KCNIP4: variants seen among roughly 807,000 people sequenced by gnomAD.
The protein encoded by KCNIP4 is potassium voltage-gated channel interacting protein 4.
A neutral mutation model predicts 34.0 loss-of-function variants in KCNIP4; 12 were observed. The ratio of observed to expected loss-of-function variants is 0.35; its 90% confidence interval spans 0.23 to 0.57. KCNIP4 has a LOEUF of 0.57. Ranked by LOEUF, KCNIP4 falls within the 20% of genes least tolerant of loss-of-function variation. The pLI is 0.83. For missense variants in KCNIP4, 238 were observed against 311.7 expected, an observed-to-expected ratio of 0.76 and a Z score of 1.78; for synonymous variants, 124 against 102.2, an observed-to-expected ratio of 1.21 and a Z score of -1.29.
intron 1 of KCNIP4, among the ~76,000 whole-genome samples, chr4:21,089,459 G>C (rs1746781281): frequency 6.6e-6 from 1 of 152,134 alleles, no homozygotes. Context: ...GTCTCAGGTT[G>C]TTCTTTACAG....
At chr4:21,148,719 A>G (rs941520879) in intron 1 of KCNIP4, among the ~76,000 whole-genome samples, 2 of 152,068 alleles carry the variant, frequency 1.3e-5, no homozygotes, top group African/African-American at 4.8e-5. Context: ...AACAACATTA[A>G]GAAAGGCCAA....
chr4:21,934,074 C>T (rs1729719815), intron 1 of KCNIP4, among the ~76,000 whole-genome samples: 1 of 152,012 alleles, frequency 6.6e-6, no homozygotes, highest in Non-Finnish European at 1.5e-5. Context: ...TTAGTCTTAG[C>T]AAGATTCCCT....
intron 1 of KCNIP4, among the ~76,000 whole-genome samples, chr4:21,125,951 A>C (rs911757742): frequency 6.6e-6 from 1 of 151,998 alleles, no homozygotes; most frequent in Non-Finnish European, 1.5e-5. Context: ...GGCAGGGGTT[A>C]CTATATGGTT....
intron 1 of KCNIP4, among the ~76,000 whole-genome samples, chr4:21,913,725 G>A (rs1006480124): frequency 6.6e-6 from 1 of 152,138 alleles, no homozygotes; most frequent in African/African-American, 2.4e-5. Flanking sequence ...AGCATTACAT[G>A]TTGTGTGATA....
intron 1 of KCNIP4, among the ~76,000 whole-genome samples, chr4:20,971,725 G>T (rs1408604613): frequency 1.3e-5 from 2 of 152,190 alleles, no homozygotes; most frequent in Admixed American, 6.5e-5. Flanking sequence ...GTTGCTGAAG[G>T]TTGGAGTAAT....
chr4:21,422,096 A>T (rs1436572309), intron 1 of KCNIP4, among the ~76,000 whole-genome samples: 1 of 152,204 alleles, frequency 6.6e-6, no homozygotes. Context: ...TTTGTTTCAT[A>T]AACACTAACT....
chr4:21,922,875 A>G (rs1729010402), intron 1 of KCNIP4, among the ~76,000 whole-genome samples: 1 of 152,238 alleles, frequency 6.6e-6, no homozygotes, highest in African/African-American at 2.4e-5. Context: ...GATGCCCTCC[A>G]AAATCACAAT....
At chr4:21,460,592 G>A (rs1475193298) in intron 1 of KCNIP4, among the ~76,000 whole-genome samples, 1 of 152,088 alleles carries the variant, frequency 6.6e-6, no homozygotes, top group African/African-American at 2.4e-5. Context: ...ATGGCAGAGA[G>A]AGAGAATGCT....
intron 1 of KCNIP4, among the ~76,000 whole-genome samples, chr4:21,374,009 G>T (rs904133991): frequency 6.8e-6 from 1 of 147,316 alleles, no homozygotes; most frequent in Non-Finnish European, 1.5e-5. Flanking sequence ...CCAGCCTAGG[G>T]TTTCTCATTT....
rs1479664080 is a variant in KCNIP4 at position 21,903,514 on chromosome 4, G to C, written c.61+45057C>G. Among the ~76,000 whole-genome samples, 3 of 152,192 alleles carry C rather than the reference G, an allele frequency of 2.0e-5. No individual in the cohort carries two copies. In the East Asian group the frequency reaches 5.8e-4, roughly 29 times the overall value. ...GTCTTTCAAAGCTTAAACAGAAATG[G>C]CTATTTTAAATTAATTTAGGAAGAC... On this transcript the variant is annotated intron_variant, in intron 1 of 8. Coordinates refer to ENST00000382152, the MANE Select transcript of KCNIP4 (RefSeq NM_025221.6).
chr4:20,736,283 T>A (rs1749609633), intron 5 of KCNIP4, among the ~76,000 whole-genome samples: 1 of 152,224 alleles, frequency 6.6e-6, no homozygotes, highest in African/African-American at 2.4e-5. Context: ...AATTTGAGTT[T>A]CCATTGTATA....
chr4:20,848,497 C>A (rs1248820261), intron 3 of KCNIP4, among the ~76,000 whole-genome samples: 3 of 133,380 alleles, frequency 2.2e-5, no homozygotes, highest in African/African-American at 8.3e-5. Context: ...CAAAAAAAAA[C>A]ATAAAATAAA....
chr4:21,193,893 AGAAGG>A (rs1755866931), intron 1 of KCNIP4, among the ~76,000 whole-genome samples: 1 of 152,176 alleles, frequency 6.6e-6, no homozygotes, highest in Non-Finnish European at 1.5e-5. Flanking sequence ...TTAAACTACA[AGAAGG>A]GAATGGCAAA....
At chr4:20,805,189 T>C (rs7694639) in intron 3 of KCNIP4, among the ~76,000 whole-genome samples, 1,191 of 36,786 alleles carry the variant, frequency 0.032, 118 homozygotes, top group East Asian at 0.037. Flanking sequence ...ATGCTTCCTT[T>C]TTTTTTTTTT....
intron 1 of KCNIP4, among the ~76,000 whole-genome samples, chr4:21,484,104 A>G (rs1252899951): frequency 1.3e-5 from 2 of 151,998 alleles, no homozygotes; most frequent in Non-Finnish European, 2.9e-5. Context: ...ATGCTTATGT[A>G]TATTGAATCA....
chr4:21,626,187 C>G (rs544961987), intron 1 of KCNIP4, among the ~76,000 whole-genome samples: 2 of 152,106 alleles, frequency 1.3e-5, no homozygotes, highest in East Asian at 3.9e-4. Context: ...TAAGACTGAG[C>G]AGTTAAGGGA....
At chr4:21,211,646 A>G (rs549770956) in intron 1 of KCNIP4, among the ~76,000 whole-genome samples, 1 of 152,232 alleles carries the variant, frequency 6.6e-6, no homozygotes, top group African/African-American at 2.4e-5. Flanking sequence ...TATGACATCT[A>G]AGAAAGCAAA....
intron 1 of KCNIP4, among the ~76,000 whole-genome samples, chr4:21,169,921 T>A (rs2109293710): frequency 6.6e-6 from 1 of 152,288 alleles, no homozygotes; most frequent in East Asian, 1.9e-4. Flanking sequence ...TAGACCTCTG[T>A]TAGGCCCATT....
chr4:21,757,393 A>G (rs1004249616), intron 1 of KCNIP4, among the ~76,000 whole-genome samples: 3 of 152,210 alleles, frequency 2.0e-5, no homozygotes, highest in Non-Finnish European at 4.4e-5. Flanking sequence ...GTAAGCTCAC[A>G]TGTGGGTTTG....
Sources: allele counts gnomAD v4.1 joint callset (sites outside exome capture counted in the v4.1 genomes callset), GRCh38; gene constraint gnomAD v4.1.1; transcripts MANE v1.5; gene names NCBI Gene and HGNC (gene_info 2026-07-23, HGNC 2026-07-21).